The following FAM163A variants were observed in gnomAD, a reference collection of about 807,000 sequenced individuals.
FAM163A encodes protein FAM163A.
FAM163A carries 7 observed loss-of-function variants against 12.0 expected under a neutral mutation model. That is an observed-to-expected ratio of 0.58 (90% CI 0.33 to 1.10). FAM163A has a LOEUF of 1.10. Ranked by LOEUF, FAM163A falls within the 50% of genes least tolerant of loss-of-function variation. The pLI is 0.03. For synonymous variants in FAM163A, 101 were observed against 91.0 expected (o/e 1.11, Z -0.62); for missense variants, 202 against 218.6 (o/e 0.92, Z 0.48).
At chr1:179,809,681 G>T (rs1694435604) in intron 2 of FAM163A, among the ~76,000 whole-genome samples, 1 of 152,182 alleles carries the variant, frequency 6.6e-6, no homozygotes, top group Non-Finnish European at 1.5e-5. Flanking sequence ...TCCTAAAATA[G>T]GCTTGGCACA....
intron 1 of FAM163A, among the ~76,000 whole-genome samples, chr1:179,765,517 G>A (rs979894612): frequency 6.6e-6 from 1 of 152,148 alleles, no homozygotes; most frequent in South Asian, 2.1e-4. Context: ...TGGGGACAGG[G>A]GTGGGAGTTG....
Position 179,815,643 on chromosome 1 carries a change from C to T in FAM163A, c.*1454C>T, listed in dbSNP as rs1695254290. The stretch of plus-strand genomic sequence containing the variant: ...TGAGTGAGAATCCTGATGAGTTTTC[C>T]AGTGGCCTCTGCAGAAGCTGGCCCC... On this transcript the variant is annotated 3_prime_UTR_variant, in exon 5 of 5. Transcript: ENST00000341785. 6.6e-6 allele frequency: 1 copy of T among 152,256 alleles called. No individual in the cohort carries two copies. Among genetic ancestry groups the T allele is most frequent in the African/African-American group, 2.4e-5 (1 of 41,434 alleles). The allele number at this position is 152,256 out of a possible 1,614,324, so 9.4% of individuals were successfully genotyped here. A position where few individuals can be genotyped will look rare whatever the true frequency, so the allele number is the denominator to read the frequency against.
At chr1:179,805,771 C>G (rs965285695) in intron 1 of FAM163A, among the ~76,000 whole-genome samples, 2 of 152,160 alleles carry the variant, frequency 1.3e-5, no homozygotes, top group Non-Finnish European at 2.9e-5. Flanking sequence ...GGGGTTCTTA[C>G]TGGTTAGAGA....
intron 1 of FAM163A, among the ~76,000 whole-genome samples, chr1:179,762,175 T>A (rs1389797394): frequency 6.6e-6 from 1 of 152,218 alleles, no homozygotes; most frequent in Non-Finnish European, 1.5e-5. Context: ...CATATAATCG[T>A]ATCAAGGCAG....
chr1:179,811,791 G>A (rs564107583), intron 2 of FAM163A, among the ~76,000 whole-genome samples: 5 of 152,304 alleles, frequency 3.3e-5, no homozygotes, highest in East Asian at 3.9e-4. Context: ...AAAGCCCTTC[G>A]GGACAGCTCT....
the FAM163A span, among the ~76,000 whole-genome samples, chr1:179,736,651 T>C: frequency 6.6e-6 from 1 of 150,790 alleles, no homozygotes; most frequent in Non-Finnish European, 1.5e-5. Context: ...CTACTAAAAA[T>C]ACAAAAAAAA....
In FAM163A at chr1:179,814,159, C is replaced by G. The variant is rs1435625514; in HGVS notation, c.474C>G (p.Thr158=). 6.8e-6 allele frequency: 11 copies of G among 1,614,016 alleles called. No homozygotes were observed. Among genetic ancestry groups the G allele is most frequent in the Non-Finnish European group, 9.3e-6 (11 of 1,180,026 alleles). Residue 158 remains threonine, a synonymous_variant, in exon 5 of 5, where the codon ACC becomes ACG. Transcript: ENST00000341785. The part of the protein sequence containing the change: ...TWPGSGREAF[T]NPRAISTDV ...CAGGCTCTGGGCGTGAGGCCTTCAC[C>G]AATCCAAGGGCTATTAGTACAGACG...
At chr1:179,742,832 G>C (rs547891507), upstream of FAM163A, 118 of 152,046 alleles carry the variant, frequency 7.8e-4, 1 homozygote, top group African/African-American at 2.5e-3. Context: ...ACGAGGCCCG[G>C]GTACCCCTCA....
At chr1:179,782,537 G>A (rs1308379398) in intron 1 of FAM163A, among the ~76,000 whole-genome samples, 5 of 152,128 alleles carry the variant, frequency 3.3e-5, no homozygotes, top group South Asian at 4.2e-4. Context: ...GGCTTTGCTC[G>A]CAGAATCTGG....
At chr1:179,783,670 G>T (rs369765283) in intron 1 of FAM163A, among the ~76,000 whole-genome samples, 1 of 144,892 alleles carries the variant, frequency 6.9e-6, no homozygotes, top group African/African-American at 2.6e-5. Flanking sequence ...TGTATTAACC[G>T]TCAGCCACTA....
At chr1:179,732,757 T>G in the FAM163A span, among the ~76,000 whole-genome samples, 2 of 151,540 alleles carry the variant, frequency 1.3e-5, no homozygotes, top group Admixed American at 1.3e-4. Context: ...GGTGCGTGCT[T>G]GTAGTCCCAG....
chr1:179,766,364 G>A (rs1687499046), intron 1 of FAM163A, among the ~76,000 whole-genome samples: 2 of 152,198 alleles, frequency 1.3e-5, no homozygotes, highest in South Asian at 4.1e-4. Flanking sequence ...CCAGAGGAAG[G>A]ACTTCATGCT....
chr1:179,771,421 G>T (rs1688270820), intron 1 of FAM163A, among the ~76,000 whole-genome samples: 2 of 152,142 alleles, frequency 1.3e-5, no homozygotes, highest in South Asian at 2.1e-4. Flanking sequence ...TCTCTCCTTT[G>T]CAGAGTTTCC....
rs544375426 is a variant in FAM163A, at chr1:179,808,838, T to C, written c.-45+950T>C. ...TGTAAACTGTAGGCTGCTGTTTGGG[T>C]GTAAGGAGATATTGCCAGCATTTGC... On this transcript the variant is annotated intron_variant, in intron 2 of 4. Transcript: ENST00000341785. 1.4e-3 allele frequency among the ~76,000 whole-genome samples: 219 copies of C among 152,186 alleles called. 1 individual carries two copies. The highest frequency in any genetic ancestry group is 2.6e-3 in the Non-Finnish European group (175 of 67,994).
intron 1 of FAM163A, among the ~76,000 whole-genome samples, chr1:179,797,323 T>G (rs1401068095): frequency 6.6e-6 from 1 of 152,018 alleles, no homozygotes; most frequent in Non-Finnish European, 1.5e-5. Context: ...TGGCACATGC[T>G]TGTAATCCCA....
At chr1:179,788,724 C>T (rs1691002347) in intron 1 of FAM163A, among the ~76,000 whole-genome samples, 1 of 152,070 alleles carries the variant, frequency 6.6e-6, no homozygotes. Context: ...TGGCATTATG[C>T]AGGAATATAG....
At chr1:179,776,833 A>G (rs1689051516) in intron 1 of FAM163A, among the ~76,000 whole-genome samples, 1 of 152,220 alleles carries the variant, frequency 6.6e-6, no homozygotes. Flanking sequence ...TTGTACAACC[A>G]CTACCTCTAT....
the FAM163A span, among the ~76,000 whole-genome samples, chr1:179,729,180 G>GTA: frequency 6.6e-6 from 1 of 152,098 alleles, no homozygotes; most frequent in Non-Finnish European, 1.5e-5. Flanking sequence ...GAAACTTGGT[G>GTA]TATATTGATA....
intron 1 of FAM163A, among the ~76,000 whole-genome samples, chr1:179,759,413 T>G (rs986936405): frequency 3.3e-5 from 5 of 151,624 alleles, no homozygotes; most frequent in African/African-American, 9.7e-5. Context: ...TGAGCGAGAA[T>G]GAAGGGAGAC....
Sources: gnomAD v4.1 joint callset for allele counts (sites outside exome capture counted in the v4.1 genomes callset) on GRCh38, gnomAD v4.1.1 for gene constraint, MANE v1.5 for transcripts, NCBI Gene and HGNC (gene_info 2026-07-23, HGNC 2026-07-21) for gene names.